The following OPCML variants were observed in gnomAD, a reference collection of about 807,000 sequenced individuals.
OPCML encodes opioid-binding protein/cell adhesion molecule.
OPCML carries 13 observed loss-of-function variants against 37.8 expected under a neutral mutation model. The ratio of observed to expected loss-of-function variants is 0.34; its 90% confidence interval spans 0.22 to 0.55. The LOEUF (loss-of-function observed/expected upper bound fraction) is 0.55. Among genes scored for constraint, OPCML ranks in the 20% least tolerant of loss-of-function variants. OPCML has a pLI of 0.91. For missense variants in OPCML, 341 were observed against 435.6 expected, an observed-to-expected ratio of 0.78 and a Z score of 1.93; for synonymous variants, 176 against 168.8, an observed-to-expected ratio of 1.04 and a Z score of -0.33.
intron 2 of OPCML, among the ~76,000 whole-genome samples, chr11:132,664,391 C>A (rs764741061): frequency 6.6e-6 from 1 of 151,994 alleles, no homozygotes; most frequent in Admixed American, 6.6e-5. Context: ...TTTTAAAGCC[C>A]GAAATGCATT....
intron 1 of OPCML, among the ~76,000 whole-genome samples, chr11:133,368,869 C>T (rs1287503390): frequency 6.6e-6 from 1 of 152,210 alleles, no homozygotes; most frequent in Non-Finnish European, 1.5e-5. Flanking sequence ...AGGTCTATAT[C>T]CAAACACTCA....
intron 4 of OPCML, among the ~76,000 whole-genome samples, chr11:132,440,946 C>T (rs1454239525): frequency 6.6e-6 from 1 of 152,032 alleles, no homozygotes; most frequent in East Asian, 1.9e-4. Context: ...GGGCAGAAGG[C>T]AATCAATGTT....
chr11:133,499,868 ATATATATTTTT>A (rs1947872861), intron 1 of OPCML, among the ~76,000 whole-genome samples: 1 of 115,936 alleles, frequency 8.6e-6, no homozygotes, highest in South Asian at 2.5e-4. Context: ...ACATATATAT[ATATATATTTTT>A]TTTTTTTTTT....
chr11:133,465,807 G>C (rs1341101752), intron 1 of OPCML, among the ~76,000 whole-genome samples: 1 of 152,114 alleles, frequency 6.6e-6, no homozygotes, highest in Non-Finnish European at 1.5e-5. Context: ...GGAGGACTAA[G>C]GAGGCAATCC....
intron 2 of OPCML, among the ~76,000 whole-genome samples, chr11:132,722,352 A>C (rs1401215233): frequency 6.6e-6 from 1 of 152,018 alleles, no homozygotes; most frequent in Non-Finnish European, 1.5e-5. Flanking sequence ...GCTGGTGAAG[A>C]AGCTACCTGC....
At chr11:133,490,436 A>G (rs1461815596) in intron 1 of OPCML, among the ~76,000 whole-genome samples, 3 of 152,230 alleles carry the variant, frequency 2.0e-5, no homozygotes, top group Non-Finnish European at 4.4e-5. Flanking sequence ...ACATAAATTG[A>G]TACAGCCATC....
intron 4 of OPCML, among the ~76,000 whole-genome samples, chr11:132,511,137 T>C (rs2096267917): frequency 6.6e-6 from 1 of 152,106 alleles, no homozygotes; most frequent in African/African-American, 2.4e-5. Flanking sequence ...GCAAGGTCAA[T>C]ATAAAAAAGT....
At chr11:133,056,096 C>T (rs545916651) in intron 1 of OPCML, among the ~76,000 whole-genome samples, 1 of 152,182 alleles carries the variant, frequency 6.6e-6, no homozygotes, top group African/African-American at 2.4e-5. Flanking sequence ...TCAAATGACT[C>T]AAAAGGCCCA....
chr11:132,421,755 C>T (rs950181266), intron 7 of OPCML, among the ~76,000 whole-genome samples: 2 of 151,998 alleles, frequency 1.3e-5, no homozygotes, highest in Non-Finnish European at 2.9e-5. Flanking sequence ...TGTTAATGTC[C>T]CAGAGGAGGC....
At chr11:133,436,845 C>A (rs879932117) in intron 1 of OPCML, among the ~76,000 whole-genome samples, 1 of 152,134 alleles carries the variant, frequency 6.6e-6, no homozygotes, top group Non-Finnish European at 1.5e-5. Context: ...AGACCTAAAC[C>A]TTTCGGTCCT....
rs551477071 is a variant in OPCML, at chr11:133,007,278, T to C, written c.62-64268A>G. On this transcript the variant is annotated intron_variant, in intron 1 of 7. Coordinates refer to ENST00000524381, the MANE Select transcript of OPCML (RefSeq NM_001012393.5). ...GGTTATATTCAAAATAACTGAGCTA[T>C]TTATGCTGTTGCAGGATACAGCTCC... 5.6e-4 allele frequency: 554 copies of C among 985,422 alleles called. 1 individual carries two copies. Among genetic ancestry groups the C allele is most frequent in the Admixed American group, 1.5e-3 (24 of 16,274 alleles). 61.0% of individuals were successfully genotyped at this position (985,422 alleles called of 1,614,324 possible).
At chr11:133,482,576 C>T (rs969875822) in intron 1 of OPCML, among the ~76,000 whole-genome samples, 1 of 152,054 alleles carries the variant, frequency 6.6e-6, no homozygotes. Flanking sequence ...CTGAATGCTC[C>T]TGTTACCTCT....
intron 2 of OPCML, among the ~76,000 whole-genome samples, chr11:132,905,915 A>G (rs1187501435): frequency 2.0e-5 from 3 of 152,224 alleles, no homozygotes; most frequent in Non-Finnish European, 4.4e-5. Context: ...AATGGGAACT[A>G]TAATTTAATT....
At chr11:132,970,388 T>C (rs1015606649) in intron 1 of OPCML, among the ~76,000 whole-genome samples, 2 of 152,078 alleles carry the variant, frequency 1.3e-5, no homozygotes, top group Non-Finnish European at 2.9e-5. Context: ...GAGAGAAATA[T>C]TAGGACAAAA....
At chr11:133,289,730 A>G (rs1942420779) in intron 1 of OPCML, among the ~76,000 whole-genome samples, 1 of 152,206 alleles carries the variant, frequency 6.6e-6, no homozygotes, top group Non-Finnish European at 1.5e-5. Context: ...GCGGTGCTGA[A>G]CTGAGCGCAC....
chr11:132,420,651 C>T (rs1424171077), intron 7 of OPCML, among the ~76,000 whole-genome samples: 1 of 152,146 alleles, frequency 6.6e-6, no homozygotes, highest in East Asian at 1.9e-4. Flanking sequence ...TGGAGAGTGT[C>T]CAGTACAGAC....
chr11:133,434,790 ATATATATG>A (rs1395577803), intron 1 of OPCML, among the ~76,000 whole-genome samples: 1 of 119,172 alleles, frequency 8.4e-6, no homozygotes, highest in East Asian at 2.2e-4. Context: ...AAAAAAAATT[ATATATATG>A]TATATATATA....
intron 1 of OPCML, among the ~76,000 whole-genome samples, chr11:133,350,601 A>T (rs1398070892): frequency 2.0e-5 from 3 of 152,154 alleles, no homozygotes; most frequent in Non-Finnish European, 4.4e-5. Flanking sequence ...AGAAAATCAC[A>T]CTTTTCTCTC....
intron 3 of OPCML, among the ~76,000 whole-genome samples, chr11:132,623,917 C>T (rs1939581225): frequency 6.6e-6 from 1 of 152,212 alleles, no homozygotes; most frequent in Non-Finnish European, 1.5e-5. Flanking sequence ...GTACACTACA[C>T]ACTTGATATT....
Sources: allele counts gnomAD v4.1 joint callset (sites outside exome capture counted in the v4.1 genomes callset), GRCh38; gene constraint gnomAD v4.1.1; transcripts MANE v1.5; gene names NCBI Gene and HGNC (gene_info 2026-07-23, HGNC 2026-07-21).